The following GLG1 variants were observed in gnomAD, a reference collection of about 807,000 sequenced individuals.
The protein encoded by GLG1 is golgi glycoprotein 1.
A neutral mutation model predicts 160.5 loss-of-function variants in GLG1; 38 were observed. The ratio of observed to expected loss-of-function variants is 0.24; its 90% CI spans 0.18 to 0.31. The LOEUF (loss-of-function observed/expected upper bound fraction) is 0.31, where lower values mean the gene tolerates loss of function less well. GLG1 is among the 10% of genes least tolerant of loss of function. GLG1 has a pLI of 1.00. For missense variants in GLG1, 1,373 were observed against 1,505.2 expected, an observed-to-expected ratio of 0.91 and a Z score of 1.45; for synonymous variants, 644 against 543.4, an observed-to-expected ratio of 1.19 and a Z score of -2.57.
intron 10 of GLG1, among the ~76,000 whole-genome samples, chr16:74,482,319 T>A (rs1264293149): frequency 6.6e-6 from 1 of 152,082 alleles, no homozygotes; most frequent in Non-Finnish European, 1.5e-5. Flanking sequence ...CCAAAAAAAA[T>A]TAACTACCAC....
chr16:74,506,598 A>AAAAAAAAAAAAAAAAAAAAAC (rs768101788), intron 3 of GLG1, among the ~76,000 whole-genome samples: 3 of 144,578 alleles, frequency 2.1e-5, no homozygotes, highest in African/African-American at 5.3e-5. Flanking sequence ...AAAAAAAAAA[A>AAAAAAAAAAAAAAAAAAAAAC]AAAAAACTCA....
In GLG1 at chr16:74,524,870, C is replaced by G. The variant is rs375913080; in HGVS notation, c.471+7251G>C. ...ATCTATTAGCAGTCACCTACCATTCCCCACTTCTCTGAGTTCCTGGAAACC... is the reference window on the plus strand; with the variant it reads ...ATCTATTAGCAGTCACCTACCATTCGCCACTTCTCTGAGTTCCTGGAAACC... On this transcript the variant is annotated intron_variant, in intron 2 of 25. Transcript: ENST00000422840. 3.9e-5 allele frequency among the ~76,000 whole-genome samples: 6 copies of G among 152,136 alleles called. No individual in the cohort carries two copies. In the East Asian group the frequency reaches 5.8e-4, roughly 15 times the overall value.
chr16:74,459,062 G>GGGATCATCACA (rs1211073906), intron 23 of GLG1, among the ~76,000 whole-genome samples: 36 of 152,220 alleles, frequency 2.4e-4, no homozygotes, highest in African/African-American at 8.4e-4. Flanking sequence ...ATGGGATCAT[G>GGGATCATCACA]TGATGATAAA....
chr16:74,451,299 G>T lies in GLG1; in HGVS notation c.*1868C>A, dbSNP rs1381107939. On this transcript the variant is annotated 3_prime_UTR_variant, in exon 26 of 26. Transcript: ENST00000422840. ...GAAGACCCTACAAGCAGGACCGAGG[G>T]GACTAAGCAGCTTAGCAGCTTCCCT... 1 of 152,226 alleles carries T rather than the reference G, an allele frequency of 6.6e-6. No individual in the cohort carries two copies. Among genetic ancestry groups the T allele is most frequent in the Non-Finnish European group, 1.5e-5 (1 of 68,070 alleles). 9.4% of individuals were successfully genotyped at this position (152,226 alleles called of 1,614,324 possible). A position where few individuals can be genotyped will look rare whatever the true frequency, so the allele number is the denominator to read the frequency against.
intron 10 of GLG1, among the ~76,000 whole-genome samples, chr16:74,482,247 C>T (rs2015628144): frequency 6.6e-6 from 1 of 152,136 alleles, no homozygotes; most frequent in African/African-American, 2.4e-5. Context: ...CTGCCTAGGC[C>T]TCCCAAACTG....
intron 1 of GLG1, among the ~76,000 whole-genome samples, chr16:74,584,935 C>T (rs1022395301): frequency 6.6e-6 from 1 of 151,134 alleles, no homozygotes; most frequent in African/African-American, 2.4e-5. Context: ...AACAAAAAAA[C>T]CCCTACACAC....
At chr16:74,465,621 G>A (rs2014971686) in intron 19 of GLG1, 55 bp downstream of exon 19, 1 of 1,578,230 alleles carries the variant, frequency 6.3e-7, no homozygotes, top group Non-Finnish European at 8.7e-7. Context: ...GCCATTGTTT[G>A]TGCTTTGTTG....
chr16:74,509,911 T>A (rs2016747275), intron 2 of GLG1, among the ~76,000 whole-genome samples: 1 of 151,814 alleles, frequency 6.6e-6, no homozygotes, highest in African/African-American at 2.4e-5. Context: ...GGTCTTGAAC[T>A]CCTGGCCTCA....
At chr16:74,484,142 C>T in intron 9 of GLG1, among the ~76,000 whole-genome samples, 1 of 151,920 alleles carries the variant, frequency 6.6e-6, no homozygotes, top group African/African-American at 2.4e-5. Flanking sequence ...TTAGTTTAAC[C>T]ACACAGAAAG....
chr16:74,592,143 CTGAT>C (rs568250091), intron 1 of GLG1, among the ~76,000 whole-genome samples: 2 of 152,058 alleles, frequency 1.3e-5, no homozygotes, highest in South Asian at 2.1e-4. Context: ...AATTTATTCA[CTGAT>C]TGATTGATTG....
chr16:74,495,920 G>A (rs553437937), intron 5 of GLG1, among the ~76,000 whole-genome samples: 4 of 152,092 alleles, frequency 2.6e-5, no homozygotes, highest in Non-Finnish European at 4.4e-5. Context: ...CATTTCTGTG[G>A]CTTTTCTACA....
intron 11 of GLG1, among the ~76,000 whole-genome samples, chr16:74,479,433 C>G (rs572582782): frequency 2.8e-5 from 4 of 142,342 alleles, no homozygotes; most frequent in African/African-American, 1.0e-4. Flanking sequence ...ATGAGAGGCT[C>G]ATTATATGGA....
At chr16:74,532,786 CA>C (rs1277975997) in intron 1 of GLG1, among the ~76,000 whole-genome samples, 3 of 152,104 alleles carry the variant, frequency 2.0e-5, no homozygotes, top group Non-Finnish European at 4.4e-5. Flanking sequence ...CTGAGCTTCC[CA>C]AACAGCTGGG....
chr16:74,480,432 T>A (rs753170773), intron 10 of GLG1, 38 bp from the exon 11 acceptor site: 2 of 1,502,664 alleles, frequency 1.3e-6, no homozygotes, highest in Admixed American at 2.0e-5. Flanking sequence ...CACTAATTAA[T>A]AGACATTTCC....
At chr16:74,594,064 G>A (rs978675361) in intron 1 of GLG1, among the ~76,000 whole-genome samples, 2 of 151,954 alleles carry the variant, frequency 1.3e-5, no homozygotes, top group African/African-American at 4.8e-5. Context: ...GCGCCACCAT[G>A]TCTGGCTAAT....
At chr16:74,554,263 G>T (rs2018289355) in intron 1 of GLG1, among the ~76,000 whole-genome samples, 2 of 152,220 alleles carry the variant, frequency 1.3e-5, no homozygotes, top group Non-Finnish European at 2.9e-5. Context: ...GCCAGGCGCC[G>T]TGACTCACGC....
chr16:74,502,304 G>T (rs1022367988), intron 4 of GLG1, among the ~76,000 whole-genome samples: 2 of 152,100 alleles, frequency 1.3e-5, no homozygotes, highest in Non-Finnish European at 2.9e-5. Context: ...GATCTCTATT[G>T]TGACCTTCTG....
chr16:74,485,759 T>C, intron 9 of GLG1, 37 bp downstream of exon 9: 1 of 1,586,458 alleles, frequency 6.3e-7, no homozygotes, highest in East Asian at 2.2e-5. Context: ...CCAAATGAAA[T>C]ACAATATGGA....
chr16:74,526,062 GCCAGATAC>G (rs2017322977), intron 2 of GLG1, among the ~76,000 whole-genome samples: 1 of 152,088 alleles, frequency 6.6e-6, no homozygotes, highest in Non-Finnish European at 1.5e-5. Context: ...ATTCAGGCTG[GCCAGATAC>G]CCAAACAATT....
Sources: gnomAD v4.1 joint callset for allele counts (sites outside exome capture counted in the v4.1 genomes callset) on GRCh38, gnomAD v4.1.1 for gene constraint, MANE v1.5 for transcripts, NCBI Gene and HGNC (gene_info 2026-07-23, HGNC 2026-07-21) for gene names.